Variants in EXT2 observed in about 807,000 individuals in gnomAD.
EXT2 encodes the protein exostosin-2.
In EXT2, 53 loss-of-function variants were observed where a neutral mutation model predicts 81.6. The observed-to-expected ratio is 0.65, with a 90% confidence interval of 0.52 to 0.82. EXT2 has a LOEUF of 0.82. Among genes scored for constraint, EXT2 ranks in the 40% least tolerant of loss-of-function variants. The probability of loss-of-function intolerance (pLI) is 0.00; values close to 1 mark genes in which losing one functional copy is unlikely to be tolerated. For missense variants in EXT2, 774 were observed against 910.2 expected, an observed-to-expected ratio of 0.85 and a Z score of 1.93; for synonymous variants, 320 against 340.0, an observed-to-expected ratio of 0.94 and a Z score of 0.65.
intron 6 of EXT2, among the ~76,000 whole-genome samples, chr11:44,128,549 A>C (rs1590573172): frequency 6.6e-6 from 1 of 152,288 alleles, no homozygotes; most frequent in East Asian, 1.9e-4. Context: ...GCAGTTACCA[A>C]ATCCTGTGAT....
chr11:44,206,960 G>C lies in EXT2; in HGVS notation c.1662+1G>C, dbSNP rs756921209. 1.2e-6 allele frequency: 2 copies of C among 1,613,866 alleles called. No homozygotes were observed. The highest frequency in any genetic ancestry group is 2.7e-5 in the African/African-American group (2 of 74,908). On this transcript the variant is annotated splice_donor_variant, in intron 10 of 13. Transcript: ENST00000533608. LOFTEE classifies it high-confidence loss of function. ...TGACGAGCTGCAATTTGGTTATGAG[G>C]TAAGGAGGTTTTACACAGTGTGTTT...
At chr11:44,177,444 G>T (rs1328164134) in intron 8 of EXT2, among the ~76,000 whole-genome samples, 1 of 152,126 alleles carries the variant, frequency 6.6e-6, no homozygotes, top group Admixed American at 6.5e-5. Context: ...TATAGCTAGG[G>T]TTCTCCTTGG....
chr11:44,105,373 C>A (rs889465424), intron 1 of EXT2, among the ~76,000 whole-genome samples: 1 of 152,122 alleles, frequency 6.6e-6, no homozygotes, highest in Non-Finnish European at 1.5e-5. Context: ...GTTCACTGCA[C>A]CTCCGCCTCC....
chr11:44,129,522 G>A (rs1294484305), intron 6 of EXT2, among the ~76,000 whole-genome samples: 4 of 152,144 alleles, frequency 2.6e-5, no homozygotes, highest in African/African-American at 9.7e-5. Context: ...TGTTTCCCAG[G>A]CATTCTTCTG....
intron 7 of EXT2, among the ~76,000 whole-genome samples, chr11:44,141,475 A>C (rs1284303379): frequency 1.3e-5 from 2 of 152,344 alleles, no homozygotes; most frequent in East Asian, 3.9e-4. Flanking sequence ...TCACTTTTCC[A>C]TACTTTTCTG....
In EXT2 at chr11:44,130,859, G is replaced by A. The variant is rs148889345; in HGVS notation, c.1173+721G>A. 1.9e-3 allele frequency among the ~76,000 whole-genome samples: 290 copies of A among 152,374 alleles called. 2 individuals carry two copies. Among genetic ancestry groups the A allele is most frequent in the African/African-American group, 6.4e-3 (267 of 41,598 alleles). On this transcript the variant is annotated intron_variant, in intron 7 of 13. Transcript: ENST00000533608. ...GAAGAGCAGGAAAAGAGGCTTGGCG[G>A]ATTCTCAGCAGTACGTGCGTAAGTG...
intron 5 of EXT2, among the ~76,000 whole-genome samples, chr11:44,126,042 T>C (rs1262228702): frequency 1.3e-5 from 2 of 152,226 alleles, no homozygotes; most frequent in African/African-American, 4.8e-5. Flanking sequence ...TTTTGGTTTT[T>C]TTAAAAAATC....
rs750985327 is a variant in EXT2 at position 44,108,443 on chromosome 11, G to A, written c.536+195G>A. Reference sequence around the variant, plus strand: ...TGGCAGCATCTGCCTGTGTGCCCGTGAAGAGTAGTCTGCCATCTCCGGCAC... The same window carrying A: ...TGGCAGCATCTGCCTGTGTGCCCGTAAAGAGTAGTCTGCCATCTCCGGCAC... On this transcript the variant is annotated intron_variant, in intron 2 of 13. Coordinates refer to ENST00000533608, the MANE Select transcript of EXT2 (RefSeq NM_207122.2). Among the ~76,000 whole-genome samples the A allele has an allele frequency of 3.9e-4, 60 of 152,236 alleles. 1 individual carries two copies. The highest frequency in any genetic ancestry group is 1.9e-4 in the Non-Finnish European group (13 of 68,046).
chr11:44,132,992 A>G (rs1565206852), intron 7 of EXT2, among the ~76,000 whole-genome samples: 1 of 152,236 alleles, frequency 6.6e-6, no homozygotes, highest in Non-Finnish European at 1.5e-5. Flanking sequence ...AAGGATGACT[A>G]GGTTTCTTCA....
chr11:44,101,668 A>C (rs1216266269), intron 1 of EXT2, among the ~76,000 whole-genome samples: 1 of 152,208 alleles, frequency 6.6e-6, no homozygotes, highest in Non-Finnish European at 1.5e-5. Flanking sequence ...ATCTTTGAGA[A>C]GCTCAGTGTT....
intron 1 of EXT2, among the ~76,000 whole-genome samples, chr11:44,097,999 C>G (rs2134939110): frequency 6.6e-6 from 1 of 152,316 alleles, no homozygotes; most frequent in Non-Finnish European, 1.5e-5. Flanking sequence ...TGCTTGACAG[C>G]TAGCCAGATG....
intron 8 of EXT2, among the ~76,000 whole-genome samples, chr11:44,176,236 T>A (rs1034562169): frequency 1.3e-5 from 2 of 152,212 alleles, no homozygotes; most frequent in African/African-American, 2.4e-5. Flanking sequence ...TCCTATACTT[T>A]TATCTAAAGC....
At position 44,151,625 on chromosome 11, in the gene EXT2, G is replaced by C. The variant is rs1049576724; in HGVS notation, c.1174-19986G>C. On this transcript the variant is annotated intron_variant, in intron 7 of 13. Coordinates refer to ENST00000533608, the MANE Select transcript of EXT2 (RefSeq NM_207122.2). ...ACCACAGTTTATTCACCTACTGAAGGGCATCTTGATTCCTTCTATGTTTTG... is the reference window on the plus strand; with the variant it reads ...ACCACAGTTTATTCACCTACTGAAGCGCATCTTGATTCCTTCTATGTTTTG... Among the ~76,000 whole-genome samples the C allele has an allele frequency of 4.6e-5, 7 of 151,960 alleles. 1 individual carries two copies. The highest frequency in any genetic ancestry group is 3.9e-4 in the Admixed American group (6 of 15,260).
intron 7 of EXT2, chr11:44,144,409 C>A: frequency 7.5e-7 from 1 of 1,338,542 alleles, no homozygotes; most frequent in South Asian, 1.2e-5. Context: ...AAGGCTTGAC[C>A]AAACACAGTT....
intron 10 of EXT2, among the ~76,000 whole-genome samples, chr11:44,207,718 C>T (rs983840350): frequency 2.0e-5 from 3 of 152,092 alleles, no homozygotes; most frequent in East Asian, 3.9e-4. Context: ...CTTTAGCTAA[C>T]TTAGGATTTG....
chr11:44,174,374 A>G (rs918444501), intron 8 of EXT2, among the ~76,000 whole-genome samples: 14 of 152,086 alleles, frequency 9.2e-5, no homozygotes, highest in African/African-American at 3.4e-4. Flanking sequence ...CTTTCTATCT[A>G]GAAGAAAGAT....
chr11:44,164,010 C>T (rs568981070), intron 7 of EXT2, among the ~76,000 whole-genome samples: 1 of 152,256 alleles, frequency 6.6e-6, no homozygotes, highest in East Asian at 1.9e-4. Context: ...TCCTACAGTT[C>T]TAGAGTACTC....
In EXT2 at chr11:44,244,447, C is replaced by T. The variant is rs1956074672; in HGVS notation, c.*160C>T. 1.4e-6 allele frequency: 1 copy of T among 695,808 alleles called. No individual in the cohort carries two copies. The highest frequency in any genetic ancestry group is 1.8e-5 in the African/African-American group (1 of 56,390). 43.1% of individuals were successfully genotyped at this position (695,808 alleles called of 1,614,324 possible). A position where few individuals can be genotyped will look rare whatever the true frequency, so the allele number is the denominator to read the frequency against. On this transcript the variant is annotated 3_prime_UTR_variant, in exon 14 of 14. Transcript: ENST00000533608. ...AACCCACTTTCTCAAGAACAAGAAC[C>T]TAGAATGAATATCCAAGCACCTCGA...
At chr11:44,154,956 AT>A (rs906671341) in intron 7 of EXT2, among the ~76,000 whole-genome samples, 34 of 149,918 alleles carry the variant, frequency 2.3e-4, no homozygotes, top group African/African-American at 7.8e-4. Context: ...TTTAAATTAG[AT>A]TTTTTTTTTG....
Sources: gnomAD v4.1 joint callset for allele counts (sites outside exome capture counted in the v4.1 genomes callset) on GRCh38, gnomAD v4.1.1 for gene constraint, MANE v1.5 for transcripts, NCBI Gene and HGNC (gene_info 2026-07-23, HGNC 2026-07-21) for gene names.